The following ZFYVE16 variants were observed in gnomAD, a reference collection of about 807,000 sequenced individuals.
The protein encoded by ZFYVE16 is zinc finger FYVE-type containing 16.
In ZFYVE16, 89 loss-of-function variants were observed where a neutral mutation model predicts 138.1. The observed-to-expected ratio is 0.64, with a 90% CI of 0.54 to 0.77. The LOEUF is 0.77. Ranked by LOEUF, ZFYVE16 falls within the 30% of genes least tolerant of loss-of-function variation. The probability of loss-of-function intolerance (pLI) is 0.00; values close to 1 mark genes in which losing one functional copy is unlikely to be tolerated. For synonymous variants in ZFYVE16, 596 were observed against 618.3 expected (o/e 0.96, Z 0.53); for missense variants, 1,793 against 1,786.7 (o/e 1.00, Z -0.06).
At chr5:80,449,194 G>C (rs901152243) in intron 8 of ZFYVE16, among the ~76,000 whole-genome samples, 60 of 152,118 alleles carry the variant, frequency 3.9e-4, no homozygotes, top group African/African-American at 1.3e-3. Flanking sequence ...ATATAGGCAT[G>C]TGGTAACAAG....
In ZFYVE16 at chr5:80,426,268, G is replaced by A. The variant is rs1256805028; in HGVS notation, c.-93-1224G>A. ...TGTGTGTGTGTGTGTGTGTGTGTGT[G>A]TGTGTATATATATATATATATATAT... On this transcript the variant is annotated intron_variant, in intron 1 of 18. Coordinates refer to ENST00000505560, the MANE Select transcript of ZFYVE16 (RefSeq NM_001284236.3). Among the ~76,000 whole-genome samples, 369 of 50,170 alleles carry A rather than the reference G, an allele frequency of 7.4e-3. 3 individuals carry two copies. The highest frequency in any genetic ancestry group is 0.017 in the African/African-American group (342 of 19,610). The allele number at this position is 50,170 out of a possible 152,430, so 32.9% of individuals were successfully genotyped here. A position where few individuals can be genotyped will look rare whatever the true frequency, so the allele number is the denominator to read the frequency against.
chr5:80,457,066 A>G lies in ZFYVE16; in HGVS notation c.3917A>G (p.Asn1306Ser), dbSNP rs578248115. Reference sequence around the variant, plus strand: ...GATGGAATTTATGAAACACAGGCCAACAGTGCCACTGGCCATCCTAGAAAA... The same window carrying G: ...GATGGAATTTATGAAACACAGGCCAGCAGTGCCACTGGCCATCCTAGAAAA... ...QNDGIYETQA[N>S]SATGHPRKVT... The change falls in exon 14 of 19, where the codon AAC becomes AGC. Residue 1306 changes from asparagine to serine, a missense_variant. By Grantham distance (46) the Asn-to-Ser change is conservative (BLOSUM62 1). Coordinates refer to ENST00000505560, the MANE Select transcript of ZFYVE16 (RefSeq NM_001284236.3). 5.0e-5 allele frequency: 80 copies of G among 1,612,332 alleles called. No individual in the cohort carries two copies. In the South Asian group the frequency reaches 8.3e-4, roughly 17 times the overall value.
At chr5:80,436,607 T>G in intron 3 of ZFYVE16, 149 bp from the exon 4 acceptor site, 1 of 630,394 alleles carries the variant, frequency 1.6e-6, no homozygotes, top group Non-Finnish European at 2.6e-6. Flanking sequence ...AATACAAAAA[T>G]AGTTTTGGAG....
rs1441114635 is a variant in ZFYVE16, at chr5:80,427,503, G to A, written c.-82G>A. 6.6e-6 allele frequency: 1 copy of A among 150,592 alleles called. No homozygotes were observed. Among genetic ancestry groups the A allele is most frequent in the East Asian group, 1.9e-4 (1 of 5,136 alleles). The allele number at this position is 150,592 out of a possible 1,614,324, so 9.3% of individuals were successfully genotyped here. ...TTACTTATTGACAGATTCCTGTGAG[G>A]TTTCTCGGGCTTATTTGGTGGAGTT... On this transcript the variant is annotated 5_prime_UTR_variant, in exon 2 of 19. Transcript: ENST00000505560.
rs192577748 is a variant in ZFYVE16 at position 80,431,000 on chromosome 5, A to C, written c.-39-3109A>C. 4.9e-3 allele frequency among the ~76,000 whole-genome samples: 742 copies of C among 152,358 alleles called. 5 individuals are homozygous for C. The highest frequency in any genetic ancestry group is 0.016 in the African/African-American group (653 of 41,570). ...CAGGACGGATTCACAGCCGAATTCT[A>C]CCAGAGGTACAAGGAGGAGCTGGTA... On this transcript the variant is annotated intron_variant, in intron 2 of 18. Coordinates refer to ENST00000505560, the MANE Select transcript of ZFYVE16 (RefSeq NM_001284236.3).
At chr5:80,455,502 C>T in intron 11 of ZFYVE16, 190 bp from the exon 12 acceptor site, 3 of 534,752 alleles carry the variant, frequency 5.6e-6, no homozygotes, top group Non-Finnish European at 9.8e-6. Flanking sequence ...CCGCTGCACT[C>T]CAGCCTGGGC....
At chr5:80,459,224 A>T (rs1375615669) in intron 14 of ZFYVE16, among the ~76,000 whole-genome samples, 190 bp from the exon 15 acceptor site, 1 of 152,182 alleles carries the variant, frequency 6.6e-6, no homozygotes, top group African/African-American at 2.4e-5. Context: ...CACCGCGCCC[A>T]GCCGCATTAA....
rs138055936 is a variant in ZFYVE16, at chr5:80,420,328, G to T, written c.-93-7164G>T. On this transcript the variant is annotated intron_variant, in intron 1 of 18. Coordinates refer to ENST00000505560, the MANE Select transcript of ZFYVE16 (RefSeq NM_001284236.3). Reference sequence around the variant, plus strand: ...TTTTTATTATACTTTAAGTTCTAGGGTACATGTGTACAACGTGCAGGTTTG... The same window carrying T: ...TTTTTATTATACTTTAAGTTCTAGGTTACATGTGTACAACGTGCAGGTTTG... 3.9e-3 allele frequency among the ~76,000 whole-genome samples: 590 copies of T among 151,918 alleles called. 4 individuals carry two copies. The highest frequency in any genetic ancestry group is 0.013 in the African/African-American group (553 of 41,422).
chr5:80,421,172 G>GT lies in ZFYVE16; in HGVS notation c.-93-6318dup, dbSNP rs1249515580. Among the ~76,000 whole-genome samples, 11 of 152,276 alleles carry GT rather than the reference G, an allele frequency of 7.2e-5. 1 individual carries two copies. The South Asian group carries it at 2.3e-3, about 32-fold the overall frequency. On this transcript the variant is annotated intron_variant, in intron 1 of 18. Coordinates refer to ENST00000505560, the MANE Select transcript of ZFYVE16 (RefSeq NM_001284236.3). Reference sequence around the variant, plus strand: ...GTTTTTTTCTTGTAAATTTGTTTGAGTTCTTTGTAGATTCTGGATATTAGC... The same window carrying GT: ...GTTTTTTTCTTGTAAATTTGTTTGAGTTTCTTTGTAGATTCTGGATATTAGC...
chr5:80,445,134 G>A (rs1313181605), intron 6 of ZFYVE16, 129 bp from the exon 7 acceptor site: 2 of 937,280 alleles, frequency 2.1e-6, no homozygotes, highest in African/African-American at 3.3e-5. Context: ...CTAGATCTTT[G>A]TAGCCCTGAG....
intron 12 of ZFYVE16, 157 bp downstream of exon 12, chr5:80,455,931 C>T (rs1752481485): frequency 1.5e-6 from 1 of 664,738 alleles, no homozygotes; most frequent in Non-Finnish European, 2.4e-6. Context: ...AACATTAGTG[C>T]TCAGTTTTTG....
rs6868979 is a variant in ZFYVE16 at position 80,432,696 on chromosome 5, G to A, written c.-39-1413G>A. ...TTTTGCAATCTACTCGTCTGACAAA[G>A]GGCAGATACCCAGAATCTACAAAAA... On this transcript the variant is annotated intron_variant, in intron 2 of 18. Coordinates refer to ENST00000505560, the MANE Select transcript of ZFYVE16 (RefSeq NM_001284236.3). Among the ~76,000 whole-genome samples the A allele has an allele frequency of 6.3e-3, 957 of 152,180 alleles. 11 individuals carry two copies. Among genetic ancestry groups the A allele is most frequent in the African/African-American group, 0.021 (885 of 41,512 alleles).
intron 15 of ZFYVE16, among the ~76,000 whole-genome samples, chr5:80,470,625 A>G (rs1754274629): frequency 1.3e-5 from 2 of 151,146 alleles, no homozygotes; most frequent in Admixed American, 1.3e-4. Context: ...ATCCTCCTGC[A>G]TCAGCCTCTT....
Position 80,424,466 on chromosome 5 carries a change from C to CTT in ZFYVE16, c.-93-3014_-93-3013dup, listed in dbSNP as rs70988471. Among the ~76,000 whole-genome samples, 312 of 144,814 alleles carry CTT rather than the reference C, an allele frequency of 2.2e-3. 1 individual carries two copies. Among genetic ancestry groups the CTT allele is most frequent in the East Asian group, 3.6e-3 (18 of 4,972 alleles). On this transcript the variant is annotated intron_variant, in intron 1 of 18. Transcript: ENST00000505560. ...CTGCATTGTGTCTTCCTCCAAATTC[C>CTT]TTTTTTTTTTTTTGAGACAGGATCT...
At chr5:80,447,611 A>T (rs1239981546) in intron 7 of ZFYVE16, among the ~76,000 whole-genome samples, 1 of 151,090 alleles carries the variant, frequency 6.6e-6, no homozygotes, top group Non-Finnish European at 1.5e-5. Flanking sequence ...CTTCCTAACC[A>T]CTCCCCTCCC....
At chr5:80,434,421 C>T (rs1360461834) in intron 3 of ZFYVE16, among the ~76,000 whole-genome samples, 3 of 152,092 alleles carry the variant, frequency 2.0e-5, no homozygotes, top group African/African-American at 7.2e-5. Context: ...AGTAAGGAAC[C>T]TAGAAAGTTT....
Position 80,417,276 on chromosome 5 carries a change from A to T in ZFYVE16, c.-94+9123A>T, listed in dbSNP as rs781671973. On this transcript the variant is annotated intron_variant, in intron 1 of 18. Transcript: ENST00000505560. ...TTCCAAAGGTCAGCACCTTATTCCT[A>T]CGTCCCCTGTGATGAGGTTGTTTCA... Among the ~76,000 whole-genome samples the T allele has an allele frequency of 2.0e-5, 3 of 152,012 alleles. No homozygotes were observed. The East Asian group carries it at 5.8e-4, about 29-fold the overall frequency.
intron 18 of ZFYVE16, 152 bp downstream of exon 18, chr5:80,474,982 C>CCTG: frequency 1.2e-6 from 1 of 856,562 alleles, no homozygotes; most frequent in Middle Eastern, 3.6e-4. Flanking sequence ...CTGTATTAGT[C>CCTG]TCCACAACAG....
chr5:80,467,870 A>G (rs1399948920), intron 15 of ZFYVE16, among the ~76,000 whole-genome samples: 1 of 152,232 alleles, frequency 6.6e-6, no homozygotes, highest in Non-Finnish European at 1.5e-5. Context: ...AACTATGTCT[A>G]AAGAACCAAA....
Sources: gnomAD v4.1 joint callset for allele counts (sites outside exome capture counted in the v4.1 genomes callset) on GRCh38, gnomAD v4.1.1 for gene constraint, MANE v1.5 for transcripts, NCBI Gene and HGNC (gene_info 2026-07-23, HGNC 2026-07-21) for gene names.